Variants in CBL observed in about 807,000 individuals in gnomAD.
The protein encoded by CBL is Cbl proto-oncogene, also known as E3 ubiquitin-protein ligase CBL.
In CBL, 45 loss-of-function variants were observed where a neutral mutation model predicts 96.9. That is an observed-to-expected ratio of 0.46 (90% CI 0.37 to 0.60). The LOEUF is 0.60. Ranked by LOEUF, CBL falls within the 20% of genes least tolerant of loss-of-function variation. The pLI, the probability that CBL is intolerant of heterozygous loss-of-function variation, is 0.00. For missense variants in CBL, 1,024 were observed against 1,143.5 expected (o/e 0.90, Z 1.51); for synonymous variants, 420 against 426.8 (o/e 0.98, Z 0.20).
At chr11:119,224,396 C>G (rs745638057) in intron 1 of CBL, among the ~76,000 whole-genome samples, 1 of 152,078 alleles carries the variant, frequency 6.6e-6, no homozygotes, top group Non-Finnish European at 1.5e-5. Flanking sequence ...CTCATTACCT[C>G]CAGCCACTGC....
intron 14 of CBL, 67 bp downstream of exon 14, chr11:119,297,548 C>A: frequency 8.4e-7 from 1 of 1,186,520 alleles, no homozygotes; most frequent in Non-Finnish European, 1.3e-6. Flanking sequence ...TAATATTTGG[C>A]AATTGAGATA....
At chr11:119,291,445 C>T (rs1264810103) in intron 12 of CBL, among the ~76,000 whole-genome samples, 1 of 152,142 alleles carries the variant, frequency 6.6e-6, no homozygotes, top group Non-Finnish European at 1.5e-5. Flanking sequence ...GTGCCTCATG[C>T]CTGTAATCTC....
chr11:119,217,404 C>T (rs945826028), intron 1 of CBL, among the ~76,000 whole-genome samples: 2 of 152,306 alleles, frequency 1.3e-5, no homozygotes, highest in East Asian at 3.9e-4. Context: ...TGAGCTACCA[C>T]GTGCAGCCCA....
At chr11:119,285,717 G>A in intron 11 of CBL, 151 bp downstream of exon 11, 1 of 867,596 alleles carries the variant, frequency 1.2e-6, no homozygotes. Context: ...GGGACGTAGT[G>A]AAACCCTGTC....
At position 119,300,859 on chromosome 11, in the gene CBL, T is replaced by C. The variant is rs1950097021; in HGVS notation, c.*1078T>C. On this transcript the variant is annotated 3_prime_UTR_variant, in exon 16 of 16. Transcript: ENST00000264033. Reference sequence around the variant, plus strand: ...AATACCGGAAAGCTTTTAGGAAGCTTCGTTCACATGCTATTTAAATGCACA... The same window carrying C: ...AATACCGGAAAGCTTTTAGGAAGCTCCGTTCACATGCTATTTAAATGCACA... 3.1e-6 allele frequency: 1 copy of C among 319,052 alleles called. No individual in the cohort carries two copies. The highest frequency in any genetic ancestry group is 5.7e-6 in the Non-Finnish European group (1 of 175,090). 19.8% of individuals were successfully genotyped at this position (319,052 alleles called of 1,614,324 possible). A position where few individuals can be genotyped will look rare whatever the true frequency, so the allele number is the denominator to read the frequency against.
chr11:119,270,886 AT>A (rs1949843414), intron 2 of CBL, among the ~76,000 whole-genome samples: 1 of 152,214 alleles, frequency 6.6e-6, no homozygotes, highest in African/African-American at 2.4e-5. Context: ...GGCCTGTGTG[AT>A]ATCTTTATAA....
chr11:119,245,954 A>ATCT (rs1168959570), intron 2 of CBL, among the ~76,000 whole-genome samples: 2 of 90,970 alleles, frequency 2.2e-5, no homozygotes, highest in Admixed American at 1.6e-4. Context: ...TTCTTTGCAA[A>ATCT]TCTTTTTTTT....
intron 2 of CBL, among the ~76,000 whole-genome samples, chr11:119,251,175 C>G (rs1296887663): frequency 6.6e-6 from 1 of 152,116 alleles, no homozygotes; most frequent in Admixed American, 6.6e-5. Flanking sequence ...TACTCCCTAC[C>G]TCACTATACA....
At chr11:119,285,138 T>C in intron 10 of CBL, 38 bp downstream of exon 10, 2 of 1,614,140 alleles carry the variant, frequency 1.2e-6, no homozygotes, top group East Asian at 4.5e-5. Flanking sequence ...TTGGATTCTT[T>C]GCTGTGTACT....
In CBL at chr11:119,300,289, T is replaced by C. The variant is rs1950092723; in HGVS notation, c.*508T>C. On this transcript the variant is annotated 3_prime_UTR_variant, in exon 16 of 16. Coordinates refer to ENST00000264033, the MANE Select transcript of CBL (RefSeq NM_005188.4). The stretch of plus-strand genomic sequence containing the variant: ...AAGACTTCCATCTACTGTGGTATTA[T>C]ACCCAAGCCTAGTGTGTATTACAAC... 1.1e-5 allele frequency: 5 copies of C among 441,282 alleles called. No individual in the cohort carries two copies. The highest frequency in any genetic ancestry group is 2.0e-5 in the Non-Finnish European group (5 of 251,596). 27.3% of individuals were successfully genotyped at this position (441,282 alleles called of 1,614,324 possible). A position where few individuals can be genotyped will look rare whatever the true frequency, so the allele number is the denominator to read the frequency against.
At chr11:119,278,905 G>A (rs1949911228) in intron 9 of CBL, among the ~76,000 whole-genome samples, 192 bp downstream of exon 9, 1 of 152,204 alleles carries the variant, frequency 6.6e-6, no homozygotes, top group South Asian at 2.1e-4. Flanking sequence ...ACAGCCCTAT[G>A]AGTACATACT....
chr11:119,240,846 G>T (rs1949580998), intron 2 of CBL, among the ~76,000 whole-genome samples: 1 of 152,124 alleles, frequency 6.6e-6, no homozygotes, highest in Admixed American at 6.6e-5. Flanking sequence ...GCTGAGGTGG[G>T]TGGATCACCT....
intron 2 of CBL, among the ~76,000 whole-genome samples, chr11:119,248,847 A>T (rs991898066): frequency 6.6e-6 from 1 of 152,248 alleles, no homozygotes; most frequent in Admixed American, 6.5e-5. Flanking sequence ...TTCAGAGAAG[A>T]TATACAGCTG....
At chr11:119,254,202 T>C (rs1307739805) in intron 2 of CBL, among the ~76,000 whole-genome samples, 3 of 152,138 alleles carry the variant, frequency 2.0e-5, no homozygotes, top group Non-Finnish European at 4.4e-5. Context: ...AAAGTCATGT[T>C]CACTGAATTA....
At chr11:119,210,965 A>G (rs563925136) in intron 1 of CBL, among the ~76,000 whole-genome samples, 20 of 152,210 alleles carry the variant, frequency 1.3e-4, no homozygotes, top group Non-Finnish European at 1.2e-4. Context: ...CCTACCTATG[A>G]TAAAGCTTAA....
intron 2 of CBL, among the ~76,000 whole-genome samples, chr11:119,246,255 G>A (rs1191995189): frequency 6.6e-6 from 1 of 151,850 alleles, no homozygotes; most frequent in East Asian, 1.9e-4. Context: ...TTACAGGTGC[G>A]AACCACCGCG....
At position 119,223,048 on chromosome 11, in the gene CBL, C is replaced by T. The variant is rs533611985; in HGVS notation, c.196-9400C>T. ...TTAAAAAATTATCCAGGTGTGGTGGCGTGTACCTGTAGTCCCGGCTACTTG... is the reference window on the plus strand; with the variant it reads ...TTAAAAAATTATCCAGGTGTGGTGGTGTGTACCTGTAGTCCCGGCTACTTG... On this transcript the variant is annotated intron_variant, in intron 1 of 15. Coordinates refer to ENST00000264033, the MANE Select transcript of CBL (RefSeq NM_005188.4). Among the ~76,000 whole-genome samples the T allele has an allele frequency of 2.6e-5, 4 of 151,920 alleles. No homozygotes were observed. In the South Asian group the frequency reaches 8.4e-4, roughly 32 times the overall value.
intron 6 of CBL, 60 bp from the exon 7 acceptor site, chr11:119,277,697 A>G (rs187708299): frequency 1.2e-4 from 129 of 1,091,080 alleles, no homozygotes; most frequent in African/African-American, 8.0e-4. Context: ...CCATTTGTCT[A>G]TATTAGCAAG....
chr11:119,298,270 C>A, intron 14 of CBL, 88 bp from the exon 15 acceptor site: 1 of 1,121,632 alleles, frequency 8.9e-7, no homozygotes, highest in Non-Finnish European at 1.4e-6. Flanking sequence ...TGATTGCATA[C>A]ATGTAAAAAT....
Sources: allele counts gnomAD v4.1 joint callset (sites outside exome capture counted in the v4.1 genomes callset), GRCh38; gene constraint gnomAD v4.1.1; transcripts MANE v1.5; gene names NCBI Gene and HGNC (gene_info 2026-07-23, HGNC 2026-07-21).